ELMOD1: variants seen among roughly 807,000 people sequenced by gnomAD.
ELMOD1 encodes ELMO domain-containing protein 1.
ELMOD1 carries 21 observed loss-of-function variants against 46.7 expected under a neutral mutation model. That is an observed-to-expected ratio of 0.45 (90% CI 0.32 to 0.65). The LOEUF (loss-of-function observed/expected upper bound fraction) is 0.65, where lower values mean the gene tolerates loss of function less well. ELMOD1 is among the 30% of genes least tolerant of loss of function. The pLI is 0.04. For synonymous variants in ELMOD1, 122 were observed against 138.2 expected, an observed-to-expected ratio of 0.88 and a Z score of 0.82; for missense variants, 348 against 407.8, an observed-to-expected ratio of 0.85 and a Z score of 1.26.
intron 6 of ELMOD1, among the ~76,000 whole-genome samples, chr11:107,637,930 A>G (rs543673894): frequency 1.3e-5 from 2 of 152,108 alleles, no homozygotes; most frequent in African/African-American, 4.8e-5. Context: ...CATTCCCTAG[A>G]CTAGAAACTT....
chr11:107,616,438 G>A (rs1477453506), intron 1 of ELMOD1, among the ~76,000 whole-genome samples: 2 of 152,150 alleles, frequency 1.3e-5, no homozygotes, highest in African/African-American at 4.8e-5. Flanking sequence ...GGAGTGCAGT[G>A]GCGCATTCTC....
chr11:107,621,119 T>C (rs1421148151), intron 2 of ELMOD1, among the ~76,000 whole-genome samples: 2 of 152,242 alleles, frequency 1.3e-5, no homozygotes, highest in African/African-American at 4.8e-5. Context: ...TTTAAAGTTA[T>C]CAGAACATGA....
At chr11:107,618,805 TG>T (rs1199390418) in intron 2 of ELMOD1, among the ~76,000 whole-genome samples, 1 of 152,206 alleles carries the variant, frequency 6.6e-6, no homozygotes, top group Non-Finnish European at 1.5e-5. Flanking sequence ...GAAAAGCATT[TG>T]ACTGGACCTA....
intron 5 of ELMOD1, among the ~76,000 whole-genome samples, chr11:107,635,279 G>GGTTTT (rs1197679848): frequency 6.6e-6 from 1 of 151,996 alleles, no homozygotes; most frequent in Non-Finnish European, 1.5e-5. Context: ...TGTGGGTTTT[G>GGTTTT]GTTTTGTTTT....
At chr11:107,599,779 A>AAAG (rs1565368312) in intron 1 of ELMOD1, among the ~76,000 whole-genome samples, 51 of 150,248 alleles carry the variant, frequency 3.4e-4, no homozygotes, top group African/African-American at 1.2e-3. Context: ...AAAAAAAAAA[A>AAAG]CTGTATCCTA....
chr11:107,613,583 A>G (rs942287882), intron 1 of ELMOD1, among the ~76,000 whole-genome samples: 4 of 152,222 alleles, frequency 2.6e-5, no homozygotes, highest in Admixed American at 2.0e-4. Flanking sequence ...AAATTCAAGA[A>G]CTATTATGTA....
intron 1 of ELMOD1, among the ~76,000 whole-genome samples, chr11:107,609,323 A>G (rs1240906404): frequency 6.6e-6 from 1 of 152,268 alleles, no homozygotes; most frequent in Non-Finnish European, 1.5e-5. Context: ...AGATTATAAA[A>G]ATGAAATAGT....
intron 1 of ELMOD1, chr11:107,600,243 AT>A (rs1865574274): frequency 1.3e-5 from 2 of 152,144 alleles, no homozygotes; most frequent in South Asian, 4.2e-4. Context: ...CTAAAAGAAA[AT>A]GACTTTACAA....
At position 107,666,244 on chromosome 11, in the gene ELMOD1, T is replaced by C. The variant is rs1186622284; in HGVS notation, c.*1047T>C. 6.6e-6 allele frequency: 1 copy of C among 152,226 alleles called. No individual in the cohort carries two copies. Among genetic ancestry groups the C allele is most frequent in the Non-Finnish European group, 1.5e-5 (1 of 68,048 alleles). The allele number at this position is 152,226 out of a possible 1,614,324, so 9.4% of individuals were successfully genotyped here. A position where few individuals can be genotyped will look rare whatever the true frequency, so the allele number is the denominator to read the frequency against. ...GCTTGGATGCCTAAGTGTATGATGC[T>C]TGAAGCCTCAGAAAAGAAATAAGCA... is the stretch of plus-strand genomic sequence containing the variant. On this transcript the variant is annotated 3_prime_UTR_variant, in exon 12 of 12. Coordinates refer to ENST00000265840, the MANE Select transcript of ELMOD1 (RefSeq NM_018712.4).
intron 1 of ELMOD1, among the ~76,000 whole-genome samples, chr11:107,597,755 A>G (rs905853389): frequency 6.6e-6 from 1 of 152,208 alleles, no homozygotes; most frequent in Non-Finnish European, 1.5e-5. Context: ...TAATTAATCA[A>G]TCTAACTAAA....
intron 2 of ELMOD1, chr11:107,625,515 C>T: frequency 1.0e-6 from 1 of 985,406 alleles, no homozygotes; most frequent in Non-Finnish European, 1.2e-6. Flanking sequence ...AGGATGATGG[C>T]ATAGTGTTGC....
intron 1 of ELMOD1, among the ~76,000 whole-genome samples, chr11:107,599,740 CAA>C (rs56992146): frequency 2.2e-5 from 2 of 91,242 alleles, no homozygotes; most frequent in East Asian, 3.3e-4. Flanking sequence ...AGACCTGTCT[CAA>C]AAAAAAAAAG....
At position 107,666,379 on chromosome 11, in the gene ELMOD1, T is replaced by A. The variant is rs1352743866; in HGVS notation, c.*1182T>A. ...TTTGCTTGGGGAACTAAGTGCTGAC[T>A]AGTTTGTTTTCTATGTCAAGGGGCA... On this transcript the variant is annotated 3_prime_UTR_variant, in exon 12 of 12. Transcript: ENST00000265840. 5 of 152,270 alleles carry A rather than the reference T, an allele frequency of 3.3e-5. No homozygotes were observed. The highest frequency in any genetic ancestry group is 1.5e-5 in the Non-Finnish European group (1 of 68,046). The allele number at this position is 152,270 out of a possible 1,614,324, so 9.4% of individuals were successfully genotyped here.
intron 1 of ELMOD1, among the ~76,000 whole-genome samples, chr11:107,600,052 T>C (rs971488960): frequency 6.6e-6 from 1 of 152,164 alleles, no homozygotes; most frequent in African/African-American, 2.4e-5. Context: ...TGGCACCTTT[T>C]TTTTTAAATT....
intron 8 of ELMOD1, among the ~76,000 whole-genome samples, 151 bp downstream of exon 8, chr11:107,650,554 T>C (rs4753809): frequency 0.026 from 4,030 of 152,186 alleles, 169 homozygotes; most frequent in Admixed American, 0.12. Flanking sequence ...AGTTGGAGGG[T>C]TAAAACTTCA....
At chr11:107,661,600 T>C (rs934800197) in intron 11 of ELMOD1, among the ~76,000 whole-genome samples, 5 of 152,214 alleles carry the variant, frequency 3.3e-5, no homozygotes, top group African/African-American at 1.2e-4. Flanking sequence ...AATTTATGTA[T>C]GTATTTTATA....
chr11:107,657,314 C>T (rs1416952218), intron 11 of ELMOD1, among the ~76,000 whole-genome samples: 5 of 152,060 alleles, frequency 3.3e-5, no homozygotes, highest in African/African-American at 1.2e-4. Context: ...GAGGCTGAGG[C>T]GGGAAGATTA....
At chr11:107,598,335 G>A (rs1323828215) in intron 1 of ELMOD1, among the ~76,000 whole-genome samples, 3 of 152,124 alleles carry the variant, frequency 2.0e-5, no homozygotes, top group Non-Finnish European at 4.4e-5. Flanking sequence ...GCAAAAGCGG[G>A]TGAATTCTTC....
rs1208214947 is a variant in ELMOD1, at chr11:107,624,764, ATTTAT to A, written c.18-5648_18-5644del. On this transcript the variant is annotated intron_variant, in intron 2 of 11. Coordinates refer to ENST00000265840, the MANE Select transcript of ELMOD1 (RefSeq NM_018712.4). ...AAGGAAAGGGTTACACTATTAATTAATTTATTTTAATTATTACACAATCAACTAGT... is the reference window on the plus strand; with the variant it reads ...AAGGAAAGGGTTACACTATTAATTAATTTAATTATTACACAATCAACTAGT... 5.3e-5 allele frequency among the ~76,000 whole-genome samples: 8 copies of A among 152,342 alleles called. No individual in the cohort carries two copies. The East Asian group carries it at 1.5e-3, about 29-fold the overall frequency.
Sources: allele counts gnomAD v4.1 joint callset (sites outside exome capture counted in the v4.1 genomes callset), GRCh38; gene constraint gnomAD v4.1.1; transcripts MANE v1.5; gene names NCBI Gene and HGNC (gene_info 2026-07-23, HGNC 2026-07-21).